The following FHIP1A variants were observed in gnomAD, a reference collection of about 807,000 sequenced individuals.
FHIP1A encodes FHF complex subunit HOOK interacting protein 1A.
FHIP1A carries 61 observed loss-of-function variants against 88.6 expected under a neutral mutation model. The ratio of observed to expected loss-of-function variants is 0.69; its 90% CI spans 0.56 to 0.85. FHIP1A has a LOEUF of 0.85. FHIP1A is among the 40% of genes least tolerant of loss of function. The pLI is 0.00. For missense variants in FHIP1A, 1,154 were observed against 1,273.5 expected, an observed-to-expected ratio of 0.91 and a Z score of 1.43; for synonymous variants, 478 against 496.0, an observed-to-expected ratio of 0.96 and a Z score of 0.48.
At position 151,493,454 on chromosome 4, in the gene FHIP1A, C is replaced by T. The variant is rs530092872; in HGVS notation, c.-123+10806C>T. On this transcript the variant is annotated intron_variant, in intron 3 of 13. Coordinates refer to ENST00000435205, the MANE Select transcript of FHIP1A (RefSeq NM_001109977.3). ...TGATTCCAACAGAAAAAGAGGGAAT[C>T]CTCCCTAAATCATTCTGTGAAGCCA... 5.3e-5 allele frequency among the ~76,000 whole-genome samples: 8 copies of T among 152,240 alleles called. No homozygotes were observed. The South Asian group carries it at 1.4e-3, about 28-fold the overall frequency.
At chr4:151,565,652 G>A (rs993337428) in intron 3 of FHIP1A, among the ~76,000 whole-genome samples, 3 of 151,962 alleles carry the variant, frequency 2.0e-5, no homozygotes, top group Admixed American at 6.6e-5. Context: ...GCATCAAGCC[G>A]TTTATTTCTC....
chr4:151,442,187 C>T (rs1221275206), intron 1 of FHIP1A, among the ~76,000 whole-genome samples: 1 of 152,050 alleles, frequency 6.6e-6, no homozygotes, highest in African/African-American at 2.4e-5. Flanking sequence ...GATTATGTGC[C>T]GCGTGGCTGA....
intron 7 of FHIP1A, among the ~76,000 whole-genome samples, chr4:151,600,236 A>G (rs1734811111): frequency 6.6e-6 from 1 of 152,228 alleles, no homozygotes; most frequent in Admixed American, 6.5e-5. Context: ...AACCTTGTGA[A>G]TGGCCCACTG....
intron 8 of FHIP1A, among the ~76,000 whole-genome samples, chr4:151,635,045 C>T (rs2126885486): frequency 6.6e-6 from 1 of 151,706 alleles, no homozygotes; most frequent in South Asian, 2.1e-4. Flanking sequence ...TAACTCACCA[C>T]CAACCAAAAA....
chr4:151,518,445 CTA>C (rs950022141), intron 3 of FHIP1A, among the ~76,000 whole-genome samples: 14 of 152,060 alleles, frequency 9.2e-5, no homozygotes, highest in African/African-American at 3.4e-4. Flanking sequence ...CAACATATGA[CTA>C]TATGTTTTCA....
At chr4:151,586,846 G>A in intron 6 of FHIP1A, 47 bp downstream of exon 6, 1 of 1,357,862 alleles carries the variant, frequency 7.4e-7, no homozygotes, top group Admixed American at 2.3e-5. Context: ...TTCATTCAGA[G>A]CACAAGCACT....
chr4:151,421,416 T>G (rs1464174703), intron 1 of FHIP1A, among the ~76,000 whole-genome samples: 1 of 152,220 alleles, frequency 6.6e-6, no homozygotes, highest in African/African-American at 2.4e-5. Context: ...CCCCTTACTC[T>G]GCTCTCCTGC....
intron 1 of FHIP1A, among the ~76,000 whole-genome samples, chr4:151,424,788 A>G (rs1733301007): frequency 6.8e-6 from 1 of 146,932 alleles, no homozygotes; most frequent in Non-Finnish European, 1.5e-5. Context: ...GCTATCAAGC[A>G]TTTGTCTTAT....
chr4:151,635,574 T>C (rs1736321624), intron 8 of FHIP1A, among the ~76,000 whole-genome samples: 1 of 151,848 alleles, frequency 6.6e-6, no homozygotes, highest in Non-Finnish European at 1.5e-5. Flanking sequence ...AATCTTGTCA[T>C]ATGCTACAAC....
chr4:151,567,803 T>TA (rs1028935999), intron 4 of FHIP1A, among the ~76,000 whole-genome samples: 1 of 152,204 alleles, frequency 6.6e-6, no homozygotes, highest in Non-Finnish European at 1.5e-5. Flanking sequence ...TGTGCTTATT[T>TA]AAAAAATCTA....
At position 151,577,441 on chromosome 4, in the gene FHIP1A, TGGTTACA is replaced by T. The variant is rs772700544; in HGVS notation, c.106-4_108del. 9 of 1,512,042 alleles carry T rather than the reference TGGTTACA, an allele frequency of 6.0e-6. No individual in the cohort carries two copies. In the South Asian group the frequency reaches 1.1e-4, roughly 19 times the overall value. The allele number at this position is 1,512,042 out of a possible 1,614,324, so 93.7% of individuals were successfully genotyped here. On this transcript the variant is annotated splice_acceptor_variant and splice_polypyrimidine_tract_variant and intron_variant, in intron 4 of 13. Coordinates refer to ENST00000435205, the MANE Select transcript of FHIP1A (RefSeq NM_001109977.3). LOFTEE classifies it high-confidence loss of function. The stretch of plus-strand genomic sequence containing the variant: ...TCAGATGGATGACAAATGCTTGACT[TGGTTACA>T]GGTTGTGAAAATCTTGGAGAAGCAC...
At chr4:151,493,777 T>C (rs963111646) in intron 3 of FHIP1A, among the ~76,000 whole-genome samples, 1 of 152,228 alleles carries the variant, frequency 6.6e-6, no homozygotes, top group Non-Finnish European at 1.5e-5. Context: ...CCAACATTGC[T>C]TTATGATTAA....
chr4:151,640,838 TGGTG>T (rs1736560251), intron 9 of FHIP1A, among the ~76,000 whole-genome samples: 1 of 152,086 alleles, frequency 6.6e-6, no homozygotes, highest in African/African-American at 2.4e-5. Flanking sequence ...GCTCATATAG[TGGTG>T]TTTGTTGTGT....
At chr4:151,459,745 T>C (rs1321179902) in intron 2 of FHIP1A, among the ~76,000 whole-genome samples, 2 of 152,242 alleles carry the variant, frequency 1.3e-5, no homozygotes, top group African/African-American at 4.8e-5. Context: ...TTACCTTCAG[T>C]GTTGGTTTGC....
intron 3 of FHIP1A, among the ~76,000 whole-genome samples, chr4:151,538,707 A>C (rs2126723776): frequency 6.6e-6 from 1 of 152,308 alleles, no homozygotes; most frequent in Non-Finnish European, 1.5e-5. Flanking sequence ...ATACAGAGTC[A>C]AGTTATGGCG....
rs530883474 is a variant in FHIP1A at position 151,412,302 on chromosome 4, C to T, written c.-356+2837C>T. Among the ~76,000 whole-genome samples, 156 of 152,168 alleles carry T rather than the reference C, an allele frequency of 1.0e-3. 1 individual carries two copies. The highest frequency in any genetic ancestry group is 3.2e-3 in the African/African-American group (131 of 41,494). On this transcript the variant is annotated intron_variant, in intron 1 of 13. Transcript: ENST00000435205. ...TGTATTTTTAGTAGAGATGGGGTTT[C>T]GCCATGTTGGCCAGGGTGGTCTCAA... is the stretch of plus-strand genomic sequence containing the variant.
chr4:151,640,035 G>C (rs1396989261), intron 9 of FHIP1A, among the ~76,000 whole-genome samples: 1 of 152,222 alleles, frequency 6.6e-6, no homozygotes, highest in African/African-American at 2.4e-5. Flanking sequence ...CTCTGGAAAA[G>C]CCAGGGGTGT....
intron 3 of FHIP1A, among the ~76,000 whole-genome samples, chr4:151,490,261 C>T (rs1730235006): frequency 6.6e-6 from 1 of 152,208 alleles, no homozygotes; most frequent in African/African-American, 2.4e-5. Context: ...CCACTTTACT[C>T]CCCTCCCACT....
chr4:151,525,746 CTTT>C (rs200895761), intron 3 of FHIP1A, among the ~76,000 whole-genome samples: 1 of 128,430 alleles, frequency 7.8e-6, no homozygotes, highest in Admixed American at 7.6e-5. Context: ...CTTTGTACTT[CTTT>C]TTTTTTTTTT....
Sources: allele counts gnomAD v4.1 joint callset (sites outside exome capture counted in the v4.1 genomes callset), GRCh38; gene constraint gnomAD v4.1.1; transcripts MANE v1.5; gene names NCBI Gene and HGNC (gene_info 2026-07-23, HGNC 2026-07-21).